Variants in RNF213 observed in about 807,000 individuals in gnomAD.
RNF213 encodes the protein E3 ubiquitin-protein ligase RNF213.
RNF213 carries 341 observed loss-of-function variants against 514.4 expected under a neutral mutation model. The observed-to-expected ratio is 0.66, with a 90% CI of 0.61 to 0.73. The LOEUF (loss-of-function observed/expected upper bound fraction) is 0.73. Ranked by LOEUF, RNF213 falls within the 30% of genes least tolerant of loss-of-function variation. The probability of loss-of-function intolerance (pLI) is 0.00; values close to 1 mark genes in which losing one functional copy is unlikely to be tolerated. For synonymous variants in RNF213, 2,655 were observed against 2,658.2 expected, an observed-to-expected ratio of 1.00 and a Z score of 0.04; for missense variants, 5,767 against 6,615.6, an observed-to-expected ratio of 0.87 and a Z score of 4.45.
At chr17:80,389,702 C>G in intron 65 of RNF213, 126 bp from the exon 66 acceptor site, 1 of 835,906 alleles carries the variant, frequency 1.2e-6, no homozygotes, top group South Asian at 1.4e-5. Context: ...GGAGGGAGAT[C>G]ACATTAGTAC....
chr17:80,371,115 C>A (rs2079500906), intron 46 of RNF213, among the ~76,000 whole-genome samples: 1 of 151,978 alleles, frequency 6.6e-6, no homozygotes, highest in African/African-American at 2.4e-5. Context: ...GTCATGAAAT[C>A]ATGTGGGTCA....
rs1039097550 is a variant in RNF213 at position 80,379,355 on chromosome 17, A to AT, written c.13546-262dup. Reference sequence around the variant, plus strand: ...AAGAAAGGAAGGTTGAATTTTATATATTTGTCTATAAAGTGTCACTCTGGG... The same window carrying AT: ...AAGAAAGGAAGGTTGAATTTTATATATTTTGTCTATAAAGTGTCACTCTGGG... On this transcript the variant is annotated intron_variant, in intron 54 of 67. Transcript: ENST00000582970. 3 of 484,244 alleles carry AT rather than the reference A, an allele frequency of 6.2e-6. No individual in the cohort carries two copies. The Admixed American group carries it at 9.7e-5, about 16-fold the overall frequency. The allele number at this position is 484,244 out of a possible 1,614,324, so 30.0% of individuals were successfully genotyped here. A position where few individuals can be genotyped will look rare whatever the true frequency, so the allele number is the denominator to read the frequency against.
At chr17:80,378,861 G>A (rs929332735) in intron 54 of RNF213, among the ~76,000 whole-genome samples, 3 of 152,176 alleles carry the variant, frequency 2.0e-5, no homozygotes, top group African/African-American at 7.2e-5. Flanking sequence ...AGTAGATTAT[G>A]TGATTAGATT....
In RNF213 at chr17:80,263,914, C is replaced by T. The variant is rs2043515662; in HGVS notation, c.97+136C>T. On this transcript the variant is annotated intron_variant, in intron 2 of 67. Transcript: ENST00000582970. This position sits in a 1 kb window ranked among gnomAD's most constrained non-coding sequence, Gnocchi z 4.9. ...GAGGTCCTCTGTGGCTACTGAGGCTCTGTGGCTCTGAATAGCCATCTCAAA... is the reference window on the plus strand; with the variant it reads ...GAGGTCCTCTGTGGCTACTGAGGCTTTGTGGCTCTGAATAGCCATCTCAAA... 1 of 692,530 alleles carries T rather than the reference C, an allele frequency of 1.4e-6. No individual in the cohort carries two copies. Among genetic ancestry groups the T allele is most frequent in the Admixed American group, 2.3e-5 (1 of 43,536 alleles). 42.9% of individuals were successfully genotyped at this position (692,530 alleles called of 1,614,324 possible).
At chr17:80,296,518 A>G (rs2044955291) in intron 10 of RNF213, among the ~76,000 whole-genome samples, 1 of 152,116 alleles carries the variant, frequency 6.6e-6, no homozygotes. Context: ...TGGGCCTGAA[A>G]TGTTCAGTGG....
At position 80,288,168 on chromosome 17, in the gene RNF213, G is replaced by A. The variant is rs775157934; in HGVS notation, c.615G>A (p.Gln205=). 6.2e-7 allele frequency: 1 copy of A among 1,611,792 alleles called. No individual in the cohort carries two copies. Among genetic ancestry groups the A allele is most frequent in the Admixed American group, 1.7e-5 (1 of 59,998 alleles). The change falls in exon 4 of 68, where the codon CAG becomes CAA. Residue 205 remains glutamine, a synonymous_variant. Transcript: ENST00000582970. This position sits in a 1 kb window ranked among gnomAD's most constrained non-coding sequence, Gnocchi z 4.9. The part of the protein sequence containing the change: ...QFQDHTEGED[Q]DASIPSGGRG... ...AGGACCACACGGAAGGGGAGGACCA[G>A]GACGCTTCCATCCCCTCTGGGGGCA...
rs143340263 is a variant in RNF213 at position 80,369,624 on chromosome 17, T to A, written c.12278T>A (p.Leu4093His). 6.2e-7 allele frequency: 1 copy of A among 1,614,220 alleles called. No homozygotes were observed. Among genetic ancestry groups the A allele is most frequent in the East Asian group, 2.2e-5 (1 of 44,882 alleles). Reference protein sequence around the residue: ...PPEKEVIESLLSLLFVQKGRL... With the variant: ...PPEKEVIESLHSLLFVQKGRL... ...GAGAAGGAAGTGATTGAGAGCCTGC[T>A]CTCTCTCCTCTTCGTCCAAAAGGGG... Residue 4093 changes from leucine to histidine, a missense_variant, in exon 45 of 68, where the codon CTC becomes CAC. Transcript: ENST00000582970.
In RNF213 at chr17:80,389,333, T is replaced by C; in HGVS notation, c.15161T>C (p.Leu5054Pro). The change falls in exon 65 of 68, where the codon CTG becomes CCG. Residue 5054 changes from leucine to proline, a missense_variant. Leu to Pro is a moderately conservative substitution (Grantham distance 98, BLOSUM62 -3). Around this residue, in one of 13 missense-constraint regions of RNF213, gnomAD observed 1,245 missense variants for 1,339.0 expected, o/e 0.93. Coordinates refer to ENST00000582970, the MANE Select transcript of RNF213 (RefSeq NM_001256071.3). ...MQLNVYTQDI[L>P]QMGDQTIHVL... ...CTGAATGTGTATACTCAAGACATCC[T>C]GCAAATGGGTGATCAGACGATTCAC... is the stretch of plus-strand genomic sequence containing the variant. 2 of 1,614,198 alleles carry C rather than the reference T, an allele frequency of 1.2e-6. No homozygotes were observed. Among genetic ancestry groups the C allele is most frequent in the Non-Finnish European group, 1.7e-6 (2 of 1,180,032 alleles).
chr17:80,385,704 T>A, intron 61 of RNF213, 83 bp downstream of exon 61: 2 of 1,183,726 alleles, frequency 1.7e-6, no homozygotes, highest in Non-Finnish European at 2.5e-6. Context: ...ACTCGGCCCA[T>A]CCCTGTCAAC....
chr17:80,344,122 T>G, intron 28 of RNF213, 107 bp downstream of exon 28: 2 of 1,190,900 alleles, frequency 1.7e-6, no homozygotes, highest in Non-Finnish European at 2.4e-6. Context: ...TTTGCCTTAC[T>G]TAGTGCAGCA....
At chr17:80,350,437 C>T in intron 31 of RNF213, 41 bp downstream of exon 31, 1 of 1,314,232 alleles carries the variant, frequency 7.6e-7, no homozygotes, top group Non-Finnish European at 1.1e-6. Flanking sequence ...TGTAAAAAAC[C>T]CAAAACGTAG....
At chr17:80,339,142 G>A in intron 25 of RNF213, 59 bp from the exon 26 acceptor site, 1 of 1,372,354 alleles carries the variant, frequency 7.3e-7, no homozygotes, top group Non-Finnish European at 9.6e-7. Flanking sequence ...CTGTTGCAGA[G>A]TAGCGTGTTA....
chr17:80,386,503 G>A lies in RNF213; in HGVS notation c.14720+73G>A, dbSNP rs1029093717. On this transcript the variant is annotated intron_variant, in intron 62 of 67. Transcript: ENST00000582970. ...CCTAAGCCCAGTGGGGCAGACACAA[G>A]CAAGCTTCAGCCCCTTCCCTAACAG... 2.6e-5 allele frequency: 40 copies of A among 1,535,344 alleles called. No homozygotes were observed. The African/African-American group carries it at 3.3e-4, about 13-fold the overall frequency.
intron 3 of RNF213, among the ~76,000 whole-genome samples, chr17:80,286,639 G>C (rs986669551): frequency 6.6e-6 from 1 of 152,110 alleles, no homozygotes; most frequent in Admixed American, 6.5e-5. Flanking sequence ...CCCCTGGGCT[G>C]CACCTCAGTG....
Position 80,289,884 on chromosome 17 carries a change from C to A in RNF213, c.1112+47C>A, listed in dbSNP as rs768396148. 5.8e-6 allele frequency: 9 copies of A among 1,542,584 alleles called. 1 individual carries two copies. The South Asian group carries it at 1.0e-4, about 18-fold the overall frequency. ...AGCAAAGGAGACCCTGCCTGAGAGC[C>A]CGGCACACCCTCTCCCTGCACAACT... is the stretch of plus-strand genomic sequence containing the variant. On this transcript the variant is annotated intron_variant, in intron 6 of 67. Transcript: ENST00000582970.
chr17:80,363,866 C>A, intron 41 of RNF213, 76 bp downstream of exon 41: 1 of 1,423,204 alleles, frequency 7.0e-7, no homozygotes, highest in Non-Finnish European at 9.8e-7. Flanking sequence ...CCAGGCATGT[C>A]CATGAGAAGA....
intron 37 of RNF213, 57 bp from the exon 38 acceptor site, chr17:80,360,004 T>C: frequency 6.3e-7 from 1 of 1,586,394 alleles, no homozygotes; most frequent in South Asian, 1.1e-5. Flanking sequence ...GATCTTATCT[T>C]GTGTTTTGAG....
chr17:80,292,123 C>T (rs375919891), intron 8 of RNF213: 56 of 446,700 alleles, frequency 1.3e-4, no homozygotes, highest in East Asian at 7.8e-4. Flanking sequence ...CAGAGTCTGT[C>T]GCTCAGGCTG....
Position 80,340,331 on chromosome 17 carries a change from C to T in RNF213, c.5964C>T (p.Ile1988=), listed in dbSNP as rs1365334900. The change falls in exon 26 of 68, where the codon ATC becomes ATT. Residue 1988 remains isoleucine (I), a synonymous_variant. Transcript: ENST00000582970. The part of the protein sequence containing the change: ...AVFNDRLCVG[I]VASERAGVGK... ...TCAATGACCGGCTGTGTGTTGGGATCGTGGCCTCGGAGCGAGCAGGTGTTG... is the reference window on the plus strand; with the variant it reads ...TCAATGACCGGCTGTGTGTTGGGATTGTGGCCTCGGAGCGAGCAGGTGTTG... 6 of 1,604,668 alleles carry T rather than the reference C, an allele frequency of 3.7e-6. No homozygotes were observed. Among genetic ancestry groups the T allele is most frequent in the Middle Eastern group, 1.7e-4 (1 of 5,986 alleles).
Sources: gnomAD v4.1 joint callset for allele counts (sites outside exome capture counted in the v4.1 genomes callset) on GRCh38, gnomAD v4.1.1 for gene constraint, gnomAD v4.1.1 regional missense constraint, Gnocchi (gnomAD v3.1) non-coding constraint, MANE v1.5 for transcripts, NCBI Gene and HGNC (gene_info 2026-07-23, HGNC 2026-07-21) for gene names.